FNDC3B: variants seen among roughly 807,000 people sequenced by gnomAD.
FNDC3B encodes the protein fibronectin type III domain-containing protein 3B.
A neutral mutation model predicts 151.5 loss-of-function variants in FNDC3B; 12 were observed. That is an observed-to-expected ratio of 0.08 (90% CI 0.05 to 0.13). FNDC3B has a LOEUF of 0.13. FNDC3B is among the 10% of genes least tolerant of loss of function. The pLI, the probability that FNDC3B is intolerant of heterozygous loss-of-function variation, is 1.00. For missense variants in FNDC3B, 1,214 were observed against 1,505.3 expected (o/e 0.81, Z 3.20); for synonymous variants, 528 against 549.0 (o/e 0.96, Z 0.54).
At chr3:172,381,470 C>CTT in intron 25 of FNDC3B, among the ~76,000 whole-genome samples, 1 of 141,990 alleles carries the variant, frequency 7.0e-6, no homozygotes, top group African/African-American at 2.6e-5. Flanking sequence ...TAGTATTGAT[C>CTT]TTTTTTTTTT....
chr3:172,235,920 A>G (rs1219278955), intron 4 of FNDC3B, among the ~76,000 whole-genome samples: 2 of 152,180 alleles, frequency 1.3e-5, no homozygotes, highest in East Asian at 3.9e-4. Context: ...AGCTGGGCTG[A>G]AAAGATGTGA....
At chr3:172,215,455 G>A (rs1219140943) in intron 3 of FNDC3B, among the ~76,000 whole-genome samples, 1 of 152,222 alleles carries the variant, frequency 6.6e-6, no homozygotes, top group Non-Finnish European at 1.5e-5. Flanking sequence ...TGGGCGTGGT[G>A]GCTCACGCCT....
Position 172,320,647 on chromosome 3 carries a change from C to T in FNDC3B, c.1255-8305C>T, listed in dbSNP as rs6804662. 3.8e-3 allele frequency among the ~76,000 whole-genome samples: 585 copies of T among 152,286 alleles called. 2 individuals are homozygous for T. Among genetic ancestry groups the T allele is most frequent in the African/African-American group, 0.014 (569 of 41,566 alleles). On this transcript the variant is annotated intron_variant, in intron 11 of 25. Coordinates refer to ENST00000415807, the MANE Select transcript of FNDC3B (RefSeq NM_022763.4). Reference sequence around the variant, plus strand: ...TAGTGCCAGCGGTGTTGGAAATACCCACTTCTAGTGTTGTTAGTGCCAGGG... The same window carrying T: ...TAGTGCCAGCGGTGTTGGAAATACCTACTTCTAGTGTTGTTAGTGCCAGGG...
chr3:172,378,465 C>T (rs768225375), intron 24 of FNDC3B, 29 bp downstream of exon 24: 3 of 1,552,800 alleles, frequency 1.9e-6, no homozygotes, highest in Non-Finnish European at 2.6e-6. Flanking sequence ...CTTTCTCGCT[C>T]TCTTGTGAGA....
chr3:172,182,832 G>A (rs879357262), intron 3 of FNDC3B, among the ~76,000 whole-genome samples: 7 of 152,222 alleles, frequency 4.6e-5, no homozygotes, highest in Non-Finnish European at 8.8e-5. Context: ...ATGAGAAATG[G>A]AGATGAAGTG....
At chr3:172,063,139 T>A (rs1279390131) in intron 1 of FNDC3B, among the ~76,000 whole-genome samples, 1 of 152,216 alleles carries the variant, frequency 6.6e-6, no homozygotes, top group Non-Finnish European at 1.5e-5. Flanking sequence ...AAGTCTTGAT[T>A]TTTTTGTATT....
intron 1 of FNDC3B, among the ~76,000 whole-genome samples, chr3:172,064,918 T>G (rs1275147047): frequency 6.6e-6 from 1 of 152,206 alleles, no homozygotes; most frequent in Non-Finnish European, 1.5e-5. Context: ...AAAACAAGTG[T>G]CCACCAACTT....
intron 6 of FNDC3B, among the ~76,000 whole-genome samples, chr3:172,272,909 G>T (rs895275955): frequency 6.9e-6 from 1 of 144,706 alleles, no homozygotes; most frequent in Admixed American, 7.1e-5. Flanking sequence ...ACCACAGCTG[G>T]TGAGCAGATG....
intron 6 of FNDC3B, among the ~76,000 whole-genome samples, chr3:172,263,757 A>G (rs190343970): frequency 6.6e-6 from 1 of 152,280 alleles, no homozygotes; most frequent in East Asian, 1.9e-4. Context: ...ACTATTCCCT[A>G]TAGAGTTTAA....
Position 172,313,496 on chromosome 3 carries a change from A to G in FNDC3B, c.1254+2615A>G, listed in dbSNP as rs779222591. Reference sequence around the variant, plus strand: ...TCTCTTCTGACAAGAGAATATTTGGAATCATTTTCACTGTTCATTAATTAT... The same window carrying G: ...TCTCTTCTGACAAGAGAATATTTGGGATCATTTTCACTGTTCATTAATTAT... On this transcript the variant is annotated intron_variant, in intron 11 of 25. Coordinates refer to ENST00000415807, the MANE Select transcript of FNDC3B (RefSeq NM_022763.4). Among the ~76,000 whole-genome samples, 3 of 152,292 alleles carry G rather than the reference A, an allele frequency of 2.0e-5. No homozygotes were observed. The South Asian group carries it at 6.2e-4, about 32-fold the overall frequency.
At position 172,399,665 on chromosome 3, in the gene FNDC3B, AC is replaced by A. The variant is rs34229028; in HGVS notation, c.*2192del. On this transcript the variant is annotated 3_prime_UTR_variant, in exon 26 of 26. Transcript: ENST00000415807. Reference sequence around the variant, plus strand: ...TAAATGTGTGCTATGACCCACTATGACCACAGCATCTGCATTTTCTAAAAAA... The same window carrying A: ...TAAATGTGTGCTATGACCCACTATGACACAGCATCTGCATTTTCTAAAAAA... 0.51 allele frequency: 77,949 copies of A among 152,496 alleles called. 21,585 individuals carry two copies. The highest frequency in any genetic ancestry group is 0.63 in the Non-Finnish European group (42,513 of 67,936). 9.4% of individuals were successfully genotyped at this position (152,496 alleles called of 1,614,324 possible).
In FNDC3B at chr3:172,270,140, C is replaced by A. The variant is rs138722217; in HGVS notation, c.791-15786C>A. Among the ~76,000 whole-genome samples, 10 of 152,302 alleles carry A rather than the reference C, an allele frequency of 6.6e-5. No individual in the cohort carries two copies. The East Asian group carries it at 1.9e-3, about 29-fold the overall frequency. On this transcript the variant is annotated intron_variant, in intron 6 of 25. Coordinates refer to ENST00000415807, the MANE Select transcript of FNDC3B (RefSeq NM_022763.4). ...TAAATTTGACTGTTTTCCTAAATTT[C>A]CAATGTTATTGTAGTGCTTGTTTTG...
Position 172,328,970 on chromosome 3 carries a change from T to C in FNDC3B, c.1273T>C (p.Phe425Leu), listed in dbSNP as rs1345951340. ...EWDEGKRNSG[F>L]RQCFFGSQKH... ...CTTTTAGGGAAAAAGAAATAGTGGTTTCAGACAGTGCTTCTTCGGGAGCCA... is the reference window on the plus strand; with the variant it reads ...CTTTTAGGGAAAAAGAAATAGTGGTCTCAGACAGTGCTTCTTCGGGAGCCA... Residue 425 changes from phenylalanine (F) to leucine (L), a missense_variant, in exon 12 of 26, where the codon TTC (phenylalanine) becomes CTC (leucine). Transcript: ENST00000415807. The C allele has an allele frequency of 1.2e-6, 2 of 1,612,558 alleles. No homozygotes were observed. The highest frequency in any genetic ancestry group is 1.7e-6 in the Non-Finnish European group (2 of 1,179,046).
At chr3:172,386,659 A>G (rs62281162) in intron 25 of FNDC3B, among the ~76,000 whole-genome samples, 86,498 of 150,666 alleles carry the variant, frequency 0.57, 28,299 homozygotes, top group Non-Finnish European at 0.76. Flanking sequence ...GGAGAATGGC[A>G]TGAACCTGGA....
intron 3 of FNDC3B, among the ~76,000 whole-genome samples, chr3:172,209,550 G>C (rs916877220): frequency 1.3e-5 from 2 of 152,194 alleles, no homozygotes; most frequent in African/African-American, 4.8e-5. Context: ...GGCTCAGAAG[G>C]GAGGGCATGT....
intron 4 of FNDC3B, among the ~76,000 whole-genome samples, chr3:172,245,418 T>C (rs1412326390): frequency 1.3e-5 from 2 of 152,160 alleles, no homozygotes; most frequent in African/African-American, 4.8e-5. Flanking sequence ...CCTTCCAGGA[T>C]TGAATGAAGG....
At chr3:172,097,041 A>G (rs1719124320) in intron 1 of FNDC3B, among the ~76,000 whole-genome samples, 1 of 152,348 alleles carries the variant, frequency 6.6e-6, no homozygotes. Flanking sequence ...AGAGACTAGC[A>G]TAGTTAGTAC....
intron 1 of FNDC3B, among the ~76,000 whole-genome samples, chr3:172,069,546 GTTTT>G (rs1327126808): frequency 1.3e-5 from 2 of 152,150 alleles, no homozygotes; most frequent in African/African-American, 4.8e-5. Flanking sequence ...GAATGAGTGG[GTTTT>G]TTAAGTTGTT....
At chr3:172,263,240 T>C (rs1192009896) in intron 6 of FNDC3B, among the ~76,000 whole-genome samples, 8 of 152,024 alleles carry the variant, frequency 5.3e-5, no homozygotes, top group Non-Finnish European at 1.2e-4. Flanking sequence ...TAAATGCATT[T>C]ATTACTGCTT....
Sources: gnomAD v4.1 joint callset for allele counts (sites outside exome capture counted in the v4.1 genomes callset) on GRCh38, gnomAD v4.1.1 for gene constraint, MANE v1.5 for transcripts, NCBI Gene and HGNC (gene_info 2026-07-23, HGNC 2026-07-21) for gene names.